The following PLG variants were observed in gnomAD, a reference collection of about 807,000 sequenced individuals.
PLG encodes plasmin.
A neutral mutation model predicts 104.4 loss-of-function variants in PLG; 41 were observed. That is an observed-to-expected ratio of 0.39 (90% CI 0.31 to 0.51). The LOEUF (loss-of-function observed/expected upper bound fraction) is 0.51, where lower values mean the gene tolerates loss of function less well. Ranked by LOEUF, PLG falls within the 20% of genes least tolerant of loss-of-function variation. The pLI is 0.76. For synonymous variants in PLG, 337 were observed against 357.1 expected, an observed-to-expected ratio of 0.94 and a Z score of 0.63; for missense variants, 891 against 1,003.6, an observed-to-expected ratio of 0.89 and a Z score of 1.52.
rs1777878626 is a variant in PLG at position 160,723,503 on chromosome 6, G to C, written c.1256+936G>C. ...TCCTGGGCTGAAGAACAAGGAGATG[G>C]AGCCCAAGCCGACCACAGCAGTCTT... On this transcript the variant is annotated intron_variant, in intron 10 of 18. Transcript: ENST00000308192. This position sits in a 1 kb window ranked among gnomAD's most constrained non-coding sequence, Gnocchi z 4.7. Among the ~76,000 whole-genome samples, 2 of 152,182 alleles carry C rather than the reference G, an allele frequency of 1.3e-5. No homozygotes were observed. Among genetic ancestry groups the C allele is most frequent in the Non-Finnish European group, 2.9e-5 (2 of 68,030 alleles).
At position 160,725,496 on chromosome 6, in the gene PLG, G is replaced by C. The variant is rs543454190; in HGVS notation, c.1256+2929G>C. Among the ~76,000 whole-genome samples the C allele has an allele frequency of 3.3e-5, 5 of 151,694 alleles. No homozygotes were observed. The South Asian group carries it at 6.3e-4, about 19-fold the overall frequency. ...TAGAGGAATAGATAATAATAAGAAT[G>C]TTCCATTTATCCAAAAGAAGGAAAG... On this transcript the variant is annotated intron_variant, in intron 10 of 18. Coordinates refer to ENST00000308192, the MANE Select transcript of PLG (RefSeq NM_000301.5). The surrounding 1 kb of genome is among the most constrained non-coding windows in gnomAD (Gnocchi z 6.3).
chr6:160,704,849 C>T (rs763493121), intron 1 of PLG, among the ~76,000 whole-genome samples: 10 of 152,172 alleles, frequency 6.6e-5, no homozygotes, highest in Non-Finnish European at 1.0e-4. Context: ...CTCTGTGTAC[C>T]CTCAGGAGGT....
chr6:160,725,833 C>A lies in PLG; in HGVS notation c.1256+3266C>A, dbSNP rs374023229. Among the ~76,000 whole-genome samples, 237 of 152,020 alleles carry A rather than the reference C, an allele frequency of 1.6e-3. 2 individuals carry two copies. Among genetic ancestry groups the A allele is most frequent in the African/African-American group, 5.6e-3 (230 of 41,396 alleles). ...GTAATGTTAATCCCAAAGTAATCTA[C>A]AAGAAATAATACCACGATGAAAAAG... On this transcript the variant is annotated intron_variant, in intron 10 of 18. Coordinates refer to ENST00000308192, the MANE Select transcript of PLG (RefSeq NM_000301.5). This position sits in a 1 kb window ranked among gnomAD's most constrained non-coding sequence, Gnocchi z 6.3.
rs1406467520 is a variant in PLG, at chr6:160,725,076, A to ATTTTTT, written c.1256+2510_1256+2511insTTTTTT. The stretch of plus-strand genomic sequence containing the variant: ...CTAAAAATACAAAAATTAGCTGGGC[A>ATTTTTT]TGGTGGCACGTGCCTGTAATCCCAG... On this transcript the variant is annotated intron_variant, in intron 10 of 18. Coordinates refer to ENST00000308192, the MANE Select transcript of PLG (RefSeq NM_000301.5). The surrounding 1 kb of genome is among the most constrained non-coding windows in gnomAD (Gnocchi z 6.3). 1.1e-4 allele frequency among the ~76,000 whole-genome samples: 16 copies of ATTTTTT among 152,226 alleles called. No homozygotes were observed. Among genetic ancestry groups the ATTTTTT allele is most frequent in the African/African-American group, 3.9e-4 (16 of 41,556 alleles).
chr6:160,730,927 T>A, intron 10 of PLG, 124 bp from the exon 11 acceptor site: 1 of 882,940 alleles, frequency 1.1e-6, no homozygotes, highest in East Asian at 2.4e-5. Flanking sequence ...AACATTATTG[T>A]ACCTATAATG....
intron 6 of PLG, 76 bp downstream of exon 6, chr6:160,714,990 A>G: frequency 1.4e-6 from 2 of 1,433,066 alleles, no homozygotes; most frequent in South Asian, 2.3e-5. Context: ...TGTCATTTAG[A>G]TATTTTAGCA....
chr6:160,706,223 G>A, intron 1 of PLG, 184 bp from the exon 2 acceptor site: 1 of 747,780 alleles, frequency 1.3e-6, no homozygotes. Flanking sequence ...CTTTATTTAT[G>A]TCCAAATGCC....
chr6:160,718,217 C>G lies in PLG; in HGVS notation c.788-77C>G, dbSNP rs575910929. The G allele has an allele frequency of 1.9e-5, 25 of 1,308,682 alleles. No individual in the cohort carries two copies. The East Asian group carries it at 5.4e-4, about 28-fold the overall frequency. 81.1% of individuals were successfully genotyped at this position (1,308,682 alleles called of 1,614,324 possible). A position where few individuals can be genotyped will look rare whatever the true frequency, so the allele number is the denominator to read the frequency against. Reference sequence around the variant, plus strand: ...CAGTGAGCTGAGATCGTGCCACTGACTCCAGCCTGGGCGACAGAGCGAGAC... The same window carrying G: ...CAGTGAGCTGAGATCGTGCCACTGAGTCCAGCCTGGGCGACAGAGCGAGAC... On this transcript the variant is annotated intron_variant, in intron 7 of 18. Transcript: ENST00000308192.
chr6:160,707,204 G>A (rs973283980), intron 2 of PLG, among the ~76,000 whole-genome samples: 2 of 151,952 alleles, frequency 1.3e-5, no homozygotes, highest in African/African-American at 4.8e-5. Flanking sequence ...CTTTGTGTAG[G>A]TGACGGGCTT....
chr6:160,718,145 G>T (rs985511255), intron 7 of PLG, 149 bp from the exon 8 acceptor site: 2 of 692,306 alleles, frequency 2.9e-6, no homozygotes, highest in South Asian at 3.0e-5. Context: ...TGAGCTACTC[G>T]GGAGGCTGAG....
intron 5 of PLG, among the ~76,000 whole-genome samples, 197 bp from the exon 6 acceptor site, chr6:160,714,597 G>T (rs958996270): frequency 6.6e-6 from 1 of 152,200 alleles, no homozygotes; most frequent in African/African-American, 2.4e-5. Flanking sequence ...GGTTTAAAAG[G>T]AAAATGACAT....
intron 17 of PLG, among the ~76,000 whole-genome samples, chr6:160,746,578 C>G (rs903911592): frequency 6.6e-6 from 1 of 152,208 alleles, no homozygotes; most frequent in Non-Finnish European, 1.5e-5. Flanking sequence ...ATTTTGCCAT[C>G]CTCCTGGATC....
rs1778049855 is a variant in PLG, at chr6:160,734,156, G to C, written c.1681+68G>C. Reference sequence around the variant, plus strand: ...TGGATTTGCAACAAAAAAGGAAAAGGGCTTCTGAGCAGACTGCTTCTGGGG... The same window carrying C: ...TGGATTTGCAACAAAAAAGGAAAAGCGCTTCTGAGCAGACTGCTTCTGGGG... On this transcript the variant is annotated intron_variant, in intron 13 of 18. Coordinates refer to ENST00000308192, the MANE Select transcript of PLG (RefSeq NM_000301.5). This position sits in a 1 kb window ranked among gnomAD's most constrained non-coding sequence, Gnocchi z 4.4. 2.0e-5 allele frequency: 18 copies of C among 892,142 alleles called. No individual in the cohort carries two copies. Among genetic ancestry groups the C allele is most frequent in the Middle Eastern group, 2.2e-4 (1 of 4,628 alleles). The allele number at this position is 892,142 out of a possible 1,614,324, so 55.3% of individuals were successfully genotyped here.
chr6:160,702,299 C>A lies in PLG; in HGVS notation c.-6C>A. The A allele has an allele frequency of 6.2e-7, 1 of 1,609,922 alleles. No homozygotes were observed. On this transcript the variant is annotated 5_prime_UTR_variant, in exon 1 of 19. Coordinates refer to ENST00000308192, the MANE Select transcript of PLG (RefSeq NM_000301.5). ...CACTTTCTGGGCACTGCTGGCCAGT[C>A]CCAAAATGGAACATAAGGAAGTGGT... is the stretch of plus-strand genomic sequence containing the variant.
At position 160,741,547 on chromosome 6, in the gene PLG, C is replaced by A; in HGVS notation, c.2125+130C>A. The A allele has an allele frequency of 1.4e-6, 1 of 714,170 alleles. No homozygotes were observed. Among genetic ancestry groups the A allele is most frequent in the Non-Finnish European group, 2.6e-6 (1 of 388,654 alleles). 44.2% of individuals were successfully genotyped at this position (714,170 alleles called of 1,614,324 possible). A position where few individuals can be genotyped will look rare whatever the true frequency, so the allele number is the denominator to read the frequency against. On this transcript the variant is annotated intron_variant, in intron 17 of 18. Transcript: ENST00000308192. This position sits in a 1 kb window ranked among gnomAD's most constrained non-coding sequence, Gnocchi z 4.7. ...GTGGTCCACCCCACTCCTGATTTTGCCTGGGCACCTGTCTATGTCTTAATC... is the reference window on the plus strand; with the variant it reads ...GTGGTCCACCCCACTCCTGATTTTGACTGGGCACCTGTCTATGTCTTAATC...
chr6:160,743,140 G>A (rs1269539041), intron 17 of PLG, among the ~76,000 whole-genome samples: 1 of 151,788 alleles, frequency 6.6e-6, no homozygotes, highest in Non-Finnish European at 1.5e-5. Flanking sequence ...TGGCTATTCT[G>A]GCTCCTTTTT....
At position 160,714,891 on chromosome 6, in the gene PLG, C is replaced by A. The variant is rs781540328; in HGVS notation, c.645C>A (p.His215Gln). 1 of 1,613,722 alleles carries A rather than the reference C, an allele frequency of 6.2e-7. No homozygotes were observed. Among genetic ancestry groups the A allele is most frequent in the South Asian group, 1.1e-5 (1 of 91,060 alleles). The change falls in exon 6 of 19, where the codon CAC becomes CAA. Residue 215 changes from histidine (H) to glutamine (Q), a missense_variant. His to Gln is a conservative substitution (Grantham distance 24). Coordinates refer to ENST00000308192, the MANE Select transcript of PLG (RefSeq NM_000301.5). ...AGGCCTGGGACTCTCAGAGCCCACA[C>A]GCTCATGGATACATTCCTTCCAAGT... ...ECQAWDSQSP[H>Q]AHGYIPSKFP...
In PLG at chr6:160,726,922, G is replaced by C. The variant is rs1241904360; in HGVS notation, c.1257-4129G>C. Among the ~76,000 whole-genome samples, 1 of 151,928 alleles carries C rather than the reference G, an allele frequency of 6.6e-6. No individual in the cohort carries two copies. On this transcript the variant is annotated intron_variant, in intron 10 of 18. Coordinates refer to ENST00000308192, the MANE Select transcript of PLG (RefSeq NM_000301.5). This position sits in a 1 kb window ranked among gnomAD's most constrained non-coding sequence, Gnocchi z 4.4. Reference sequence around the variant, plus strand: ...TCCAAGGTAAGTGGAAGGAAGGAAAGAATGAAAATCTGTGAAATCCAGTGT... The same window carrying C: ...TCCAAGGTAAGTGGAAGGAAGGAAACAATGAAAATCTGTGAAATCCAGTGT...
At chr6:160,713,836 G>A (rs557142687) in intron 5 of PLG, among the ~76,000 whole-genome samples, 1 of 152,292 alleles carries the variant, frequency 6.6e-6, no homozygotes, top group East Asian at 1.9e-4. Context: ...AATGGACTGA[G>A]CAATTTAATA....
Sources: allele counts gnomAD v4.1 joint callset (sites outside exome capture counted in the v4.1 genomes callset), GRCh38; gene constraint gnomAD v4.1.1; non-coding constraint Gnocchi (gnomAD v3.1); transcripts MANE v1.5; gene names NCBI Gene and HGNC (gene_info 2026-07-23, HGNC 2026-07-21).